GSE1: variants seen among roughly 807,000 people sequenced by gnomAD.
GSE1 encodes the protein genetic suppressor element 1.
In GSE1, 32 loss-of-function variants were observed where a neutral mutation model predicts 112.6. The ratio of observed to expected loss-of-function variants is 0.28; its 90% CI spans 0.21 to 0.38. GSE1 has a LOEUF of 0.38. Among genes scored for constraint, GSE1 ranks in the 10% least tolerant of loss-of-function variants. The pLI, the probability that GSE1 is intolerant of heterozygous loss-of-function variation, is 1.00. For synonymous variants in GSE1, 1,115 were observed against 735.6 expected (o/e 1.52, Z -8.35); for missense variants, 2,348 against 1,699.2 (o/e 1.38, Z -6.71).
In GSE1 at chr16:85,648,688, C is replaced by A. The variant is rs564482434; in HGVS notation, c.363C>A (p.Pro121=). The change falls in exon 3 of 16, where the codon CCC becomes CCA. Residue 121 remains proline (P), a synonymous_variant. Coordinates refer to ENST00000253458, the MANE Select transcript of GSE1 (RefSeq NM_014615.5). ...GGGGCCACAGCGTGCCCAGCACCCC[C>A]CCCGTGGTGACCATCGCTCCAACCA... ...PPGGHSVPST[P]PVVTIAPTKT... 5.0e-6 allele frequency: 8 copies of A among 1,608,752 alleles called. No homozygotes were observed. In the East Asian group the frequency reaches 1.6e-4, roughly 32 times the overall value.
intron 1 of GSE1, among the ~76,000 whole-genome samples, chr16:85,173,516 ATTC>A (rs1179510751): frequency 1.2e-4 from 19 of 152,140 alleles, no homozygotes; most frequent in Admixed American, 1.2e-3. Context: ...ATAGGAGCAA[ATTC>A]TTCTTGGATG....
exon 1 of GSE1, chr16:85,171,486 G>C (rs903081411): frequency 1.0e-6 from 1 of 985,584 alleles, no homozygotes; most frequent in Non-Finnish European, 1.2e-6. Flanking sequence ...ACCATGACCT[G>C]CTGGCCCAGT....
intron 2 of GSE1, among the ~76,000 whole-genome samples, chr16:85,402,369 C>T (rs892921872): frequency 1.3e-5 from 2 of 152,132 alleles, no homozygotes; most frequent in South Asian, 2.1e-4. Flanking sequence ...CTCGAGAGAG[C>T]CTGGGAGGAG....
At chr16:85,300,642 A>G (rs1336721756) in intron 1 of GSE1, among the ~76,000 whole-genome samples, 1 of 152,168 alleles carries the variant, frequency 6.6e-6, no homozygotes, top group Non-Finnish European at 1.5e-5. Context: ...TCGCCGAGGA[A>G]TAGTCCATGG....
chr16:85,470,210 C>G (rs1232546825), intron 2 of GSE1, among the ~76,000 whole-genome samples: 1 of 152,236 alleles, frequency 6.6e-6, no homozygotes, highest in East Asian at 1.9e-4. Flanking sequence ...CCAGAACTTG[C>G]TGGAACAAGG....
At chr16:85,521,589 C>T (rs1316864202) in intron 2 of GSE1, among the ~76,000 whole-genome samples, 1 of 152,260 alleles carries the variant, frequency 6.6e-6, no homozygotes, top group East Asian at 1.9e-4. Context: ...ACAGTGGTGT[C>T]CCTGAAGTCC....
At chr16:85,528,076 C>T (rs972118346) in intron 2 of GSE1, among the ~76,000 whole-genome samples, 23 of 152,198 alleles carry the variant, frequency 1.5e-4, no homozygotes, top group African/African-American at 5.3e-4. Flanking sequence ...AAGCAGCTTG[C>T]ACAAACCCTG....
chr16:85,670,895 G>C lies in GSE1; in HGVS notation c.3416-100G>C. On this transcript the variant is annotated intron_variant, in intron 14 of 15. Coordinates refer to ENST00000253458, the MANE Select transcript of GSE1 (RefSeq NM_014615.5). ...GCCTTCGCTGGCTGCACTGGAGAGA[G>C]GTTTTGGGCTCTGCTGGGCAGGGTG... 3 of 736,180 alleles carry C rather than the reference G, an allele frequency of 4.1e-6. 1 individual carries two copies. In the South Asian group the frequency reaches 4.7e-5, roughly 12 times the overall value. 45.6% of individuals were successfully genotyped at this position (736,180 alleles called of 1,614,324 possible).
Position 85,666,490 on chromosome 16 carries a change from T to C in GSE1, c.3130+143T>C, listed in dbSNP as rs149286786. The C allele has an allele frequency of 2.9e-4, 221 of 759,962 alleles. No individual in the cohort carries two copies. In the African/African-American group the frequency reaches 3.4e-3, roughly 12 times the overall value. The allele number at this position is 759,962 out of a possible 1,614,324, so 47.1% of individuals were successfully genotyped here. On this transcript the variant is annotated intron_variant, in intron 13 of 15. Transcript: ENST00000253458. ...TCACCAGAAGAAAATAATTTCGTTATTATGCCAAAACCATGTTTGTTTGTT... is the reference window on the plus strand; with the variant it reads ...TCACCAGAAGAAAATAATTTCGTTACTATGCCAAAACCATGTTTGTTTGTT...
At chr16:85,360,053 A>T (rs1191402168) in intron 2 of GSE1, among the ~76,000 whole-genome samples, 1 of 152,036 alleles carries the variant, frequency 6.6e-6, no homozygotes, top group Non-Finnish European at 1.5e-5. Flanking sequence ...TTTTTTAATT[A>T]AAAAAATGTT....
chr16:85,334,927 C>T (rs1012183770), intron 1 of GSE1, among the ~76,000 whole-genome samples: 1 of 152,196 alleles, frequency 6.6e-6, no homozygotes, highest in Admixed American at 6.5e-5. Flanking sequence ...ACCAGGGAGA[C>T]TTTATCTGCA....
At chr16:85,367,058 T>G (rs1488871866) in intron 2 of GSE1, among the ~76,000 whole-genome samples, 3 of 152,238 alleles carry the variant, frequency 2.0e-5, no homozygotes, top group Non-Finnish European at 4.4e-5. Context: ...GCCACCACCC[T>G]GCCGTGGCCT....
intron 1 of GSE1, chr16:85,556,395 C>T (rs1320176253): frequency 1.0e-6 from 1 of 974,220 alleles, no homozygotes; most frequent in Admixed American, 6.2e-5. Context: ...CTGGGTCCCG[C>T]GCGGCGCCGG....
intron 15 of GSE1, 158 bp from the exon 16 acceptor site, chr16:85,672,247 G>C (rs764762970): frequency 3.2e-6 from 2 of 621,426 alleles, no homozygotes; most frequent in African/African-American, 3.7e-5. Flanking sequence ...TGCCCGCCTC[G>C]ACCTCCAAAA....
chr16:85,315,389 G>T (rs575871818), intron 1 of GSE1, among the ~76,000 whole-genome samples: 2 of 152,178 alleles, frequency 1.3e-5, no homozygotes, highest in Non-Finnish European at 1.5e-5. Context: ...GGAACAGGCC[G>T]TGGTACCATG....
chr16:85,392,571 A>C (rs1469883683), intron 2 of GSE1, among the ~76,000 whole-genome samples: 2 of 152,192 alleles, frequency 1.3e-5, no homozygotes, highest in African/African-American at 4.8e-5. Flanking sequence ...TATGGGATGC[A>C]GGTTATGTAT....
chr16:85,474,849 G>C (rs1165031597), intron 2 of GSE1, among the ~76,000 whole-genome samples: 31 of 152,094 alleles, frequency 2.0e-4, no homozygotes, highest in Admixed American at 2.0e-3. Context: ...AAAGAATGTT[G>C]CTTTTCATAC....
At chr16:85,284,854 T>C (rs1198426378) in intron 1 of GSE1, 1 of 152,214 alleles carries the variant, frequency 6.6e-6, no homozygotes, top group Admixed American at 6.5e-5. Flanking sequence ...AGATGTCAGC[T>C]CAAGGGTGTC....
Position 85,494,962 on chromosome 16 carries a change from G to T in GSE1, c.2464+137319G>T, listed in dbSNP as rs572831106. 4.6e-5 allele frequency among the ~76,000 whole-genome samples: 7 copies of T among 152,082 alleles called. No homozygotes were observed. In the South Asian group the frequency reaches 1.2e-3, roughly 27 times the overall value. The stretch of plus-strand genomic sequence containing the variant: ...TCGGACTCCTGCTGCTTGGAAACAG[G>T]TGGGCTGTGGAGAGGTCAACCACTG... On this transcript the variant is annotated intron_variant, in intron 2 of 2. Transcript: ENST00000637419.
Sources: gnomAD v4.1 joint callset for allele counts (sites outside exome capture counted in the v4.1 genomes callset) on GRCh38, gnomAD v4.1.1 for gene constraint, MANE v1.5 for transcripts, NCBI Gene and HGNC (gene_info 2026-07-23, HGNC 2026-07-21) for gene names.